Variants in TMEM182 observed in about 807,000 individuals in gnomAD.
TMEM182 encodes the protein transmembrane protein 182.
A neutral mutation model predicts 26.8 loss-of-function variants in TMEM182; 20 were observed. The observed-to-expected ratio is 0.75, with a 90% CI of 0.53 to 1.09. The LOEUF is 1.09. Ranked by LOEUF, TMEM182 falls within the 50% of genes least tolerant of loss-of-function variation. The pLI is 0.00. For missense variants in TMEM182, 277 were observed against 275.5 expected, an observed-to-expected ratio of 1.01 and a Z score of -0.04; for synonymous variants, 109 against 102.2, an observed-to-expected ratio of 1.07 and a Z score of -0.40.
chr2:102,811,058 CAAAAA>C (rs10629082), intron 4 of TMEM182, among the ~76,000 whole-genome samples: 11 of 94,440 alleles, frequency 1.2e-4, no homozygotes, highest in Admixed American at 5.0e-4. Context: ...TCCTCTATAG[CAAAAA>C]AAAAAAAAAA....
chr2:102,841,635 A>G (rs1319858158), intron 3 of TMEM182, among the ~76,000 whole-genome samples: 1 of 152,228 alleles, frequency 6.6e-6, no homozygotes, highest in East Asian at 1.9e-4. Flanking sequence ...AGTTCACCAG[A>G]TCTTCCAAGT....
intron 3 of TMEM182, among the ~76,000 whole-genome samples, chr2:102,772,399 G>A (rs564121825): frequency 3.3e-5 from 5 of 152,254 alleles, no homozygotes; most frequent in South Asian, 2.1e-4. Context: ...AGATGAGAGG[G>A]GTGTGTGTGT....
intron 3 of TMEM182, among the ~76,000 whole-genome samples, chr2:102,835,431 T>C (rs1290675629): frequency 6.6e-6 from 1 of 152,174 alleles, no homozygotes; most frequent in African/African-American, 2.4e-5. Flanking sequence ...CAATGGTGCA[T>C]TTCTTACAAT....
At chr2:102,799,130 A>G (rs926778797) in intron 4 of TMEM182, among the ~76,000 whole-genome samples, 3 of 152,206 alleles carry the variant, frequency 2.0e-5, no homozygotes, top group South Asian at 4.1e-4. Flanking sequence ...ACTGAGACCA[A>G]ACTGTACATA....
At chr2:102,834,157 C>T (rs548528378) in intron 3 of TMEM182, among the ~76,000 whole-genome samples, 16 of 152,220 alleles carry the variant, frequency 1.1e-4, no homozygotes, top group Admixed American at 4.6e-4. Context: ...GAAGTGTGAC[C>T]GCAAAGGTAT....
intron 3 of TMEM182, among the ~76,000 whole-genome samples, chr2:102,786,081 A>C (rs965638359): frequency 2.0e-5 from 3 of 150,884 alleles, no homozygotes; most frequent in Non-Finnish European, 3.0e-5. Flanking sequence ...GTGAATGAGG[A>C]AATTTGTCTT....
At chr2:102,840,061 C>T (rs936511522) in intron 3 of TMEM182, among the ~76,000 whole-genome samples, 1 of 152,156 alleles carries the variant, frequency 6.6e-6, no homozygotes, top group African/African-American at 2.4e-5. Flanking sequence ...GAGAAGAAAC[C>T]AACATCCCCC....
chr2:102,770,736 C>T (rs189613835), intron 3 of TMEM182, among the ~76,000 whole-genome samples: 8 of 152,262 alleles, frequency 5.3e-5, no homozygotes, highest in African/African-American at 1.7e-4. Context: ...GCCAACACTG[C>T]GGCTTGGAAT....
intron 4 of TMEM182, among the ~76,000 whole-genome samples, chr2:102,801,896 C>T (rs2104736489): frequency 6.6e-6 from 1 of 152,206 alleles, no homozygotes; most frequent in African/African-American, 2.4e-5. Flanking sequence ...ATTTTTCTTT[C>T]TTTAATTTCC....
At position 102,815,112 on chromosome 2, in the gene TMEM182, C is replaced by A. The variant is rs1372081092; in HGVS notation, c.*144C>A. ...AAATTAATCATTTTACTAAAATTTT[C>A]TTCAGTAAGAAGGTCCTAGAATCTC... On this transcript the variant is annotated 3_prime_UTR_variant, in exon 5 of 5. Coordinates refer to ENST00000412401, the MANE Select transcript of TMEM182 (RefSeq NM_144632.5). 2.4e-5 allele frequency: 34 copies of A among 1,442,574 alleles called. No individual in the cohort carries two copies. The highest frequency in any genetic ancestry group is 3.1e-5 in the Non-Finnish European group (34 of 1,106,932). 89.4% of individuals were successfully genotyped at this position (1,442,574 alleles called of 1,614,324 possible). A position where few individuals can be genotyped will look rare whatever the true frequency, so the allele number is the denominator to read the frequency against.
chr2:102,771,537 G>T lies in TMEM182; in HGVS notation c.331+7110G>T, dbSNP rs1395990997. Among the ~76,000 whole-genome samples the T allele has an allele frequency of 2.6e-5, 4 of 152,194 alleles. No individual in the cohort carries two copies. In the East Asian group the frequency reaches 7.7e-4, roughly 29 times the overall value. On this transcript the variant is annotated intron_variant, in intron 3 of 4. Transcript: ENST00000412401. Reference sequence around the variant, plus strand: ...ATTTTGTGTTCTGTACAATTTATTTGTGGGCTTCTGAGAATTGGTTGGCAG... The same window carrying T: ...ATTTTGTGTTCTGTACAATTTATTTTTGGGCTTCTGAGAATTGGTTGGCAG...
chr2:102,755,773 T>C (rs1159942778), intron 1 of TMEM182, among the ~76,000 whole-genome samples: 2 of 152,188 alleles, frequency 1.3e-5, no homozygotes, highest in African/African-American at 4.8e-5. Context: ...GGGCAAATTG[T>C]ATATGGGCTT....
At chr2:102,784,844 C>T (rs940298330) in intron 3 of TMEM182, among the ~76,000 whole-genome samples, 4 of 152,178 alleles carry the variant, frequency 2.6e-5, no homozygotes, top group African/African-American at 9.7e-5. Context: ...TCACTCTCAT[C>T]GCCATCTTGG....
At chr2:102,778,915 A>G (rs1450258453) in intron 3 of TMEM182, among the ~76,000 whole-genome samples, 1 of 151,958 alleles carries the variant, frequency 6.6e-6, no homozygotes, top group Non-Finnish European at 1.5e-5. Flanking sequence ...GTATTTACCC[A>G]TATTTTTACT....
At chr2:102,841,162 G>A (rs1683341827) in intron 3 of TMEM182, among the ~76,000 whole-genome samples, 1 of 152,174 alleles carries the variant, frequency 6.6e-6, no homozygotes, top group African/African-American at 2.4e-5. Flanking sequence ...GGGCAACTGA[G>A]GCGATGTCTG....
chr2:102,756,614 TG>T (rs1680046376), intron 1 of TMEM182, among the ~76,000 whole-genome samples: 1 of 107,290 alleles, frequency 9.3e-6, no homozygotes. Context: ...GAGGGTGGGG[TG>T]GGAGAATCAC....
chr2:102,834,726 G>C (rs1479335493), intron 3 of TMEM182, among the ~76,000 whole-genome samples: 1 of 152,106 alleles, frequency 6.6e-6, no homozygotes, highest in Non-Finnish European at 1.5e-5. Context: ...CAGGCTCAGG[G>C]CTCCTGCAGG....
At chr2:102,762,809 T>G (rs1256975794) in intron 2 of TMEM182, 123 bp downstream of exon 2, 1 of 697,526 alleles carries the variant, frequency 1.4e-6, no homozygotes, top group Middle Eastern at 2.8e-4. Context: ...TTAGATGTCT[T>G]TAAAAGGTTC....
intron 3 of TMEM182, among the ~76,000 whole-genome samples, chr2:102,794,940 T>C (rs1681807146): frequency 1.3e-5 from 2 of 152,184 alleles, no homozygotes; most frequent in African/African-American, 2.4e-5. Flanking sequence ...ATGTGAGAAC[T>C]TCTGATATTG....
Sources: allele counts gnomAD v4.1 joint callset (sites outside exome capture counted in the v4.1 genomes callset), GRCh38; gene constraint gnomAD v4.1.1; transcripts MANE v1.5; gene names NCBI Gene and HGNC (gene_info 2026-07-23, HGNC 2026-07-21).